INPP4B: variants seen among roughly 807,000 people sequenced by gnomAD.
INPP4B encodes inositol polyphosphate 4-phosphatase type II.
A neutral mutation model predicts 122.5 loss-of-function variants in INPP4B; 55 were observed. The ratio of observed to expected loss-of-function variants is 0.45; its 90% CI spans 0.36 to 0.56. The LOEUF is 0.56. INPP4B is among the 20% of genes least tolerant of loss of function. The pLI is 0.00. For missense variants in INPP4B, 1,000 were observed against 1,097.7 expected (o/e 0.91, Z 1.26); for synonymous variants, 403 against 388.7 (o/e 1.04, Z -0.43).
intron 2 of INPP4B, among the ~76,000 whole-genome samples, chr4:142,516,044 C>A (rs1337155345): frequency 2.0e-5 from 3 of 152,050 alleles, no homozygotes; most frequent in Non-Finnish European, 4.4e-5. Flanking sequence ...TTTTTCCATC[C>A]AAAAATTTAA....
intron 10 of INPP4B, among the ~76,000 whole-genome samples, chr4:142,261,208 T>C (rs1739823524): frequency 6.6e-6 from 1 of 152,158 alleles, no homozygotes; most frequent in African/African-American, 2.4e-5. Flanking sequence ...TGAACCACAA[T>C]GGGAGAGAAT....
chr4:142,564,439 C>CAAAAAAAAAAAAAAAA (rs199803105), intron 2 of INPP4B, among the ~76,000 whole-genome samples: 1 of 97,928 alleles, frequency 1.0e-5, no homozygotes, highest in African/African-American at 4.2e-5. Context: ...TAAGGAATGG[C>CAAAAAAAAAAAAAAAA]AAAAAAAAAA....
chr4:142,162,960 T>C (rs1820842391), intron 16 of INPP4B, among the ~76,000 whole-genome samples: 1 of 152,016 alleles, frequency 6.6e-6, no homozygotes, highest in South Asian at 2.1e-4. Flanking sequence ...AAATGTCCCA[T>C]TGTGATATCC....
intron 1 of INPP4B, among the ~76,000 whole-genome samples, chr4:142,779,063 A>G (rs1216430702): frequency 6.6e-6 from 1 of 152,036 alleles, no homozygotes; most frequent in Non-Finnish European, 1.5e-5. Context: ...GTAACTTTCC[A>G]TATGCATAAA....
chr4:142,622,665 G>A (rs1228458245), intron 2 of INPP4B, among the ~76,000 whole-genome samples: 1 of 151,864 alleles, frequency 6.6e-6, no homozygotes, highest in Non-Finnish European at 1.5e-5. Context: ...GAGGATCAAT[G>A]GTGATCCAAG....
intron 2 of INPP4B, among the ~76,000 whole-genome samples, chr4:142,520,604 T>A (rs1176726221): frequency 6.6e-6 from 1 of 151,930 alleles, no homozygotes; most frequent in East Asian, 1.9e-4. Flanking sequence ...GTGTATAGCA[T>A]TCAAAAATAT....
chr4:142,398,229 T>C (rs1800019477), intron 7 of INPP4B, among the ~76,000 whole-genome samples: 3 of 150,576 alleles, frequency 2.0e-5, no homozygotes, highest in Admixed American at 2.0e-4. Flanking sequence ...CAAAAAAATA[T>C]TAGCCAGGCG....
intron 18 of INPP4B, among the ~76,000 whole-genome samples, chr4:142,134,248 A>G (rs1258718324): frequency 6.6e-6 from 1 of 152,166 alleles, no homozygotes; most frequent in Non-Finnish European, 1.5e-5. Flanking sequence ...TTTGTACATT[A>G]TTTTACCAAA....
intron 2 of INPP4B, among the ~76,000 whole-genome samples, chr4:142,687,178 G>A (rs116454271): frequency 7.9e-4 from 120 of 152,108 alleles, no homozygotes; most frequent in Non-Finnish European, 1.2e-3. Context: ...ACCGACTGAC[G>A]AGGAATCAAG....
At chr4:142,392,845 G>A (rs1466237156) in intron 7 of INPP4B, among the ~76,000 whole-genome samples, 1 of 152,090 alleles carries the variant, frequency 6.6e-6, no homozygotes, top group Non-Finnish European at 1.5e-5. Context: ...TCAGTTGCAG[G>A]GAATTAACAA....
intron 2 of INPP4B, among the ~76,000 whole-genome samples, chr4:142,574,564 C>A (rs1580403865): frequency 6.6e-6 from 1 of 152,082 alleles, no homozygotes; most frequent in African/African-American, 2.4e-5. Flanking sequence ...TCCGGAAACA[C>A]CATGTTCTCA....
At chr4:142,060,227 G>T (rs1759876441) in intron 25 of INPP4B, among the ~76,000 whole-genome samples, 1 of 152,026 alleles carries the variant, frequency 6.6e-6, no homozygotes, top group South Asian at 2.1e-4. Context: ...AGCTATCATT[G>T]GGTATAAGTA....
At chr4:142,205,719 G>T (rs937846597) in intron 14 of INPP4B, among the ~76,000 whole-genome samples, 1 of 152,096 alleles carries the variant, frequency 6.6e-6, no homozygotes, top group Non-Finnish European at 1.5e-5. Flanking sequence ...CAAGCCCAGG[G>T]CTGTTACACT....
intron 9 of INPP4B, among the ~76,000 whole-genome samples, chr4:142,299,247 C>T (rs67815203): frequency 1.3e-5 from 2 of 150,134 alleles, no homozygotes; most frequent in Middle Eastern, 3.2e-3. Context: ...CAACTTCACC[C>T]TCCTGGGCTC....
At chr4:142,537,429 T>TATAGAGAGAGAGAG (rs1200701380) in intron 2 of INPP4B, among the ~76,000 whole-genome samples, 1 of 25,486 alleles carries the variant, frequency 3.9e-5, no homozygotes, top group Non-Finnish European at 9.2e-5. Flanking sequence ...TATATATATA[T>TATAGAGAGAGAGAG]AGAGAGAGAG....
chr4:142,188,742 T>C (rs966140630), intron 15 of INPP4B, among the ~76,000 whole-genome samples: 1 of 151,728 alleles, frequency 6.6e-6, no homozygotes. Flanking sequence ...CAAATCACTC[T>C]CTCTCTTTCA....
intron 7 of INPP4B, among the ~76,000 whole-genome samples, chr4:142,396,845 A>G (rs796687725): frequency 1.3e-5 from 2 of 152,166 alleles, no homozygotes; most frequent in East Asian, 3.8e-4. Context: ...TAGATGTAAC[A>G]GTGCAAAACT....
chr4:142,719,646 GA>G (rs944605401), intron 2 of INPP4B, among the ~76,000 whole-genome samples: 23 of 151,402 alleles, frequency 1.5e-4, no homozygotes, highest in Non-Finnish European at 3.2e-4. Flanking sequence ...ATTAATTTCT[GA>G]AAAAAATGAG....
intron 2 of INPP4B, among the ~76,000 whole-genome samples, chr4:142,486,193 AAACT>A (rs1264621494): frequency 1.3e-5 from 2 of 152,218 alleles, no homozygotes; most frequent in Non-Finnish European, 2.9e-5. Context: ...ATATTCCAAT[AAACT>A]AACTACCAAG....
Sources: allele counts gnomAD v4.1 joint callset (sites outside exome capture counted in the v4.1 genomes callset), GRCh38; gene constraint gnomAD v4.1.1; transcripts MANE v1.5; gene names NCBI Gene and HGNC (gene_info 2026-07-23, HGNC 2026-07-21).